Variants in DNAJC13 observed in about 807,000 individuals in gnomAD.
The protein encoded by DNAJC13 is dnaJ homolog subfamily C member 13.
A neutral mutation model predicts 290.5 loss-of-function variants in DNAJC13; 75 were observed. That is an observed-to-expected ratio of 0.26 (90% CI 0.21 to 0.31). The LOEUF is 0.31. Ranked by LOEUF, DNAJC13 falls within the 10% of genes least tolerant of loss-of-function variation. The pLI is 1.00. For missense variants in DNAJC13, 2,260 were observed against 2,674.5 expected, an observed-to-expected ratio of 0.85 and a Z score of 3.42; for synonymous variants, 862 against 892.0, an observed-to-expected ratio of 0.97 and a Z score of 0.60.
At position 132,469,963 on chromosome 3, in the gene DNAJC13, C is replaced by CTTTTTTTTTTTTTTTTTTTTT. The variant is rs61726289; in HGVS notation, c.2208+2659_2208+2679dup. 1.0e-3 allele frequency among the ~76,000 whole-genome samples: 64 copies of CTTTTTTTTTTTTTTTTTTTTT among 61,154 alleles called. 2 individuals are homozygous for CTTTTTTTTTTTTTTTTTTTTT. The highest frequency in any genetic ancestry group is 1.7e-3 in the Non-Finnish European group (52 of 31,322). 40.1% of individuals were successfully genotyped at this position (61,154 alleles called of 152,430 possible). On this transcript the variant is annotated intron_variant, in intron 20 of 55. Transcript: ENST00000260818. The stretch of plus-strand genomic sequence containing the variant: ...ATGGGTTTCATTTGGAGCAGAGATT[C>CTTTTTTTTTTTTTTTTTTTTT]TTTTTTTTTTTTTTTTTTTTTTTTT...
At chr3:132,498,159 A>G (rs992841352) in intron 36 of DNAJC13, among the ~76,000 whole-genome samples, 1 of 152,220 alleles carries the variant, frequency 6.6e-6, no homozygotes, top group South Asian at 2.1e-4. Flanking sequence ...AATGTAGTTT[A>G]AAAGTTAACT....
At chr3:132,454,294 A>G (rs1933515776) in intron 9 of DNAJC13, 137 bp downstream of exon 9, 2 of 661,964 alleles carry the variant, frequency 3.0e-6, no homozygotes, top group East Asian at 6.1e-5. Flanking sequence ...TGCATATTTA[A>G]AATGACCCTC....
chr3:132,514,434 A>T, intron 45 of DNAJC13, 137 bp from the exon 46 acceptor site: 1 of 589,778 alleles, frequency 1.7e-6, no homozygotes, highest in Non-Finnish European at 2.9e-6. Context: ...GCAATCTTTT[A>T]AAATTAAACT....
At chr3:132,449,137 G>A (rs1933346186) in intron 5 of DNAJC13, among the ~76,000 whole-genome samples, 1 of 152,118 alleles carries the variant, frequency 6.6e-6, no homozygotes, top group Admixed American at 6.6e-5. Flanking sequence ...CACCTGTATT[G>A]TCCTAATAAC....
At chr3:132,430,156 C>A (rs1441280394) in intron 1 of DNAJC13, among the ~76,000 whole-genome samples, 1 of 152,112 alleles carries the variant, frequency 6.6e-6, no homozygotes, top group Non-Finnish European at 1.5e-5. Flanking sequence ...CCTAAGGACT[C>A]TCTGGAGTCT....
In DNAJC13 at chr3:132,441,768, A is replaced by T. The variant is rs74962379; in HGVS notation, c.69-4707A>T. Among the ~76,000 whole-genome samples the T allele has an allele frequency of 3.3e-3, 502 of 152,312 alleles. 19 individuals are homozygous for T. In the East Asian group the frequency reaches 0.083, roughly 25 times the overall value. ...TGACACTATTTTACATGCCTGATTG[A>T]TAGAAGCTAGTTAAATATTCGAGTC... On this transcript the variant is annotated intron_variant, in intron 2 of 55. Transcript: ENST00000260818.
intron 48 of DNAJC13, among the ~76,000 whole-genome samples, chr3:132,522,043 C>T (rs949146897): frequency 2.0e-5 from 3 of 152,098 alleles, no homozygotes; most frequent in African/African-American, 2.4e-5. Context: ...ATGTTTCTTT[C>T]GTGTGCTGAC....
At chr3:132,473,386 G>GAA (rs1934354652) in intron 21 of DNAJC13, among the ~76,000 whole-genome samples, 159 bp downstream of exon 21, 1 of 152,176 alleles carries the variant, frequency 6.6e-6, no homozygotes, top group Non-Finnish European at 1.5e-5. Flanking sequence ...GGTGACTAGA[G>GAA]ATGCTCCTAA....
At chr3:132,506,717 A>G (rs919561324) in intron 42 of DNAJC13, among the ~76,000 whole-genome samples, 2 of 151,618 alleles carry the variant, frequency 1.3e-5, no homozygotes, top group South Asian at 2.1e-4. Context: ...ACGCCCAGCC[A>G]CTTTTTGTAT....
intron 29 of DNAJC13, among the ~76,000 whole-genome samples, chr3:132,487,190 T>G (rs1460956661): frequency 1.3e-5 from 2 of 152,180 alleles, no homozygotes; most frequent in African/African-American, 4.8e-5. Flanking sequence ...GTCTCACATA[T>G]GAGTATAGAA....
At chr3:132,497,909 A>T (rs1216021877) in intron 36 of DNAJC13, among the ~76,000 whole-genome samples, 2 of 151,678 alleles carry the variant, frequency 1.3e-5, no homozygotes, top group South Asian at 2.1e-4. Flanking sequence ...CCTTTTTTTT[A>T]AAAGCCAGTT....
rs144390855 is a variant in DNAJC13, at chr3:132,460,081, C to T, written c.1450-169C>T. 1.2e-3 allele frequency among the ~76,000 whole-genome samples: 182 copies of T among 152,252 alleles called. 1 individual carries two copies. The highest frequency in any genetic ancestry group is 4.2e-3 in the African/African-American group (175 of 41,548). ...AAGTCTGATCAAAATCATGGTAAATCGTCACTTCTGCCTGCTTATCACGAG... is the reference window on the plus strand; with the variant it reads ...AAGTCTGATCAAAATCATGGTAAATTGTCACTTCTGCCTGCTTATCACGAG... On this transcript the variant is annotated intron_variant, in intron 13 of 55. Coordinates refer to ENST00000260818, the MANE Select transcript of DNAJC13 (RefSeq NM_015268.4).
chr3:132,500,583 A>T (rs1169812200), intron 38 of DNAJC13, among the ~76,000 whole-genome samples: 1 of 152,226 alleles, frequency 6.6e-6, no homozygotes, highest in Non-Finnish European at 1.5e-5. Flanking sequence ...CATGGGTTGT[A>T]GTAGCTGTGG....
intron 6 of DNAJC13, among the ~76,000 whole-genome samples, chr3:132,452,987 T>G (rs1039790456): frequency 1.3e-5 from 2 of 152,248 alleles, no homozygotes; most frequent in African/African-American, 4.8e-5. Context: ...CCCAGTGGCT[T>G]GGCTGGGGTT....
intron 36 of DNAJC13, among the ~76,000 whole-genome samples, chr3:132,498,786 A>G (rs1375288932): frequency 6.6e-6 from 1 of 151,042 alleles, no homozygotes; most frequent in African/African-American, 2.4e-5. Context: ...TGCCATCTCC[A>G]CTCACTGCAA....
At position 132,500,887 on chromosome 3, in the gene DNAJC13, C is replaced by T; in HGVS notation, c.4510C>T (p.Leu1504Phe). ...GGAAATGCCTAGCATCATCAAGGAT[C>T]TCTGTCGGGTACTATATTTTGGCAA... ...ITEMPSIIKDLCRVLYFGKSI... is the reference protein window; with the variant it reads ...ITEMPSIIKDFCRVLYFGKSI... The change falls in exon 39 of 56, where the codon CTC becomes TTC. Residue 1504 changes from leucine to phenylalanine, a missense_variant. Leu to Phe is a conservative substitution (Grantham distance 22). Around this residue, in one of 3 missense-constraint regions of DNAJC13, gnomAD observed 1,494 missense variants for 1,693.7 expected, o/e 0.88. Coordinates refer to ENST00000260818, the MANE Select transcript of DNAJC13 (RefSeq NM_015268.4). 6.2e-7 allele frequency: 1 copy of T among 1,614,010 alleles called. No homozygotes were observed. The highest frequency in any genetic ancestry group is 1.3e-5 in the African/African-American group (1 of 75,022).
Position 132,484,584 on chromosome 3 carries a change from C to G in DNAJC13, c.3183-4C>G. 2 of 1,613,586 alleles carry G rather than the reference C, an allele frequency of 1.2e-6. No homozygotes were observed. The highest frequency in any genetic ancestry group is 1.7e-6 in the Non-Finnish European group (2 of 1,179,626). ...AAATGTTGACGTGAGAAAATGTTTT[C>G]TAGGGATCAAGACAATGCCATCATT... On this transcript the variant is annotated splice_region_variant and splice_polypyrimidine_tract_variant and intron_variant, in intron 28 of 55. Coordinates refer to ENST00000260818, the MANE Select transcript of DNAJC13 (RefSeq NM_015268.4).
chr3:132,476,999 C>A (rs1212357656), intron 22 of DNAJC13, among the ~76,000 whole-genome samples: 1 of 152,182 alleles, frequency 6.6e-6, no homozygotes, highest in Non-Finnish European at 1.5e-5. Flanking sequence ...TTACAGGCTT[C>A]ACCTGTGAGC....
chr3:132,470,783 G>A (rs1306620161), intron 20 of DNAJC13, among the ~76,000 whole-genome samples: 3 of 128,114 alleles, frequency 2.3e-5, no homozygotes, highest in South Asian at 2.6e-4. Context: ...GCGGCTGGCC[G>A]GGCGGAGGGC....
Sources: gnomAD v4.1 joint callset for allele counts (sites outside exome capture counted in the v4.1 genomes callset) on GRCh38, gnomAD v4.1.1 for gene constraint, gnomAD v4.1.1 regional missense constraint, MANE v1.5 for transcripts, NCBI Gene and HGNC (gene_info 2026-07-23, HGNC 2026-07-21) for gene names.